The following GPC5 variants were observed in gnomAD, a reference collection of about 807,000 sequenced individuals.
GPC5 encodes the protein glypican-5.
Under a neutral mutation model 53.9 loss-of-function variants are expected in GPC5, and 47 were observed. The ratio of observed to expected loss-of-function variants is 0.87; its 90% confidence interval spans 0.69 to 1.11. GPC5 has a LOEUF of 1.11. Among genes scored for constraint, GPC5 ranks in the 50% most tolerant of loss-of-function variants. The pLI is 0.00. For missense variants in GPC5, 748 were observed against 713.1 expected (o/e 1.05, Z -0.56); for synonymous variants, 286 against 263.3 (o/e 1.09, Z -0.84).
At chr13:92,048,949 T>C (rs1291074658) in intron 6 of GPC5, among the ~76,000 whole-genome samples, 1 of 152,206 alleles carries the variant, frequency 6.6e-6, no homozygotes, top group Non-Finnish European at 1.5e-5. Context: ...AGTTGAAACA[T>C]GGCTTATTTG....
chr13:92,411,546 A>G (rs1273771392), intron 7 of GPC5, among the ~76,000 whole-genome samples: 1 of 152,220 alleles, frequency 6.6e-6, no homozygotes, highest in African/African-American at 2.4e-5. Context: ...CCTTATGTTT[A>G]TCAGGACAAA....
At chr13:91,991,498 G>A (rs1191283840) in intron 6 of GPC5, among the ~76,000 whole-genome samples, 1 of 152,038 alleles carries the variant, frequency 6.6e-6, no homozygotes, top group East Asian at 1.9e-4. Context: ...GTGGGTACTA[G>A]CTTTAATATT....
intron 1 of GPC5, among the ~76,000 whole-genome samples, chr13:91,400,988 T>G (rs1280792177): frequency 6.6e-6 from 1 of 152,208 alleles, no homozygotes; most frequent in East Asian, 1.9e-4. Context: ...CTGGATTGTT[T>G]CCCCATTGCT....
chr13:92,512,254 G>GCA (rs1189390334), intron 7 of GPC5, among the ~76,000 whole-genome samples: 12 of 151,800 alleles, frequency 7.9e-5, no homozygotes, highest in East Asian at 1.9e-4. Context: ...GTGTGTGCGC[G>GCA]CGCGCGCGCG....
intron 6 of GPC5, among the ~76,000 whole-genome samples, chr13:91,972,515 T>C (rs1161192911): frequency 1.3e-5 from 2 of 152,206 alleles, no homozygotes; most frequent in Non-Finnish European, 2.9e-5. Context: ...CATTATGATG[T>C]TAGCTGGTCA....
At chr13:92,059,214 A>ACT (rs2041101263) in intron 6 of GPC5, among the ~76,000 whole-genome samples, 19 of 152,164 alleles carry the variant, frequency 1.2e-4, no homozygotes, top group African/African-American at 4.1e-4. Context: ...GTCTTAGATG[A>ACT]GAAGACCACA....
intron 6 of GPC5, among the ~76,000 whole-genome samples, chr13:92,092,744 A>T (rs2138898873): frequency 6.6e-6 from 1 of 152,286 alleles, no homozygotes; most frequent in African/African-American, 2.4e-5. Flanking sequence ...TCAAAGGATA[A>T]TTAATTTTTT....
chr13:92,376,980 A>G (rs1040072146), intron 7 of GPC5, among the ~76,000 whole-genome samples: 1 of 151,604 alleles, frequency 6.6e-6, no homozygotes, highest in Non-Finnish European at 1.5e-5. Flanking sequence ...GTGCCACTGC[A>G]CTCCAGCCTG....
chr13:91,941,800 T>C (rs888730331), intron 6 of GPC5, among the ~76,000 whole-genome samples: 1 of 152,198 alleles, frequency 6.6e-6, no homozygotes, highest in African/African-American at 2.4e-5. Flanking sequence ...TGTAATTTGA[T>C]TGGTAATAAA....
At chr13:91,715,737 T>A (rs1158912001) in intron 3 of GPC5, among the ~76,000 whole-genome samples, 2 of 151,686 alleles carry the variant, frequency 1.3e-5, no homozygotes, top group Non-Finnish European at 2.9e-5. Context: ...TCATAAATTA[T>A]CTTGAAGTTG....
At chr13:92,125,816 G>A (rs1043957537) in intron 6 of GPC5, among the ~76,000 whole-genome samples, 3 of 150,586 alleles carry the variant, frequency 2.0e-5, no homozygotes, top group Admixed American at 6.6e-5. Context: ...TTTATCTAAT[G>A]TAGAAATTCA....
chr13:91,410,550 G>A (rs968065382), intron 1 of GPC5, among the ~76,000 whole-genome samples: 3 of 151,492 alleles, frequency 2.0e-5, no homozygotes, highest in African/African-American at 4.8e-5. Context: ...GTTTCACTGT[G>A]TTAGCCAGGA....
At chr13:92,267,129 T>A (rs7991669) in intron 7 of GPC5, among the ~76,000 whole-genome samples, 52,493 of 151,948 alleles carry the variant, frequency 0.35, 9,733 homozygotes, top group African/African-American at 0.48. Flanking sequence ...ACATGTAAAC[T>A]TCAAATAAAA....
At chr13:91,732,825 T>C (rs1235040983) in intron 4 of GPC5, among the ~76,000 whole-genome samples, 1 of 152,192 alleles carries the variant, frequency 6.6e-6, no homozygotes, top group African/African-American at 2.4e-5. Flanking sequence ...GAAGATCAGA[T>C]GGTTGTAGAT....
intron 2 of GPC5, among the ~76,000 whole-genome samples, chr13:91,498,989 G>A (rs1386173023): frequency 6.6e-6 from 1 of 151,576 alleles, no homozygotes; most frequent in Non-Finnish European, 1.5e-5. Flanking sequence ...AAAGAAAAAA[G>A]GAAAGCTGCT....
intron 7 of GPC5, among the ~76,000 whole-genome samples, chr13:92,414,816 G>T (rs371764952): frequency 2.6e-5 from 4 of 152,212 alleles, no homozygotes; most frequent in Middle Eastern, 3.4e-3. Context: ...CTTCTAGTTC[G>T]GTCCACCTTG....
chr13:91,408,976 A>G (rs1877525331), intron 1 of GPC5, among the ~76,000 whole-genome samples: 1 of 152,200 alleles, frequency 6.6e-6, no homozygotes. Flanking sequence ...GCACACCAAG[A>G]GTGTGTCTTC....
Position 91,673,975 on chromosome 13 carries a change from C to T in GPC5, c.326-19212C>T, listed in dbSNP as rs556312448. Among the ~76,000 whole-genome samples, 88 of 152,290 alleles carry T rather than the reference C, an allele frequency of 5.8e-4. 1 individual carries two copies. The highest frequency in any genetic ancestry group is 4.1e-3 in the Admixed American group (62 of 15,290). On this transcript the variant is annotated intron_variant, in intron 2 of 7. Coordinates refer to ENST00000377067, the MANE Select transcript of GPC5 (RefSeq NM_004466.6). ...AAACAACAAAATAAAATCCATTCGT[C>T]TACTAACAGATGTCCCAGACTAATA... is the stretch of plus-strand genomic sequence containing the variant.
At chr13:91,895,984 C>T (rs183907503) in intron 5 of GPC5, among the ~76,000 whole-genome samples, 182 of 152,168 alleles carry the variant, frequency 1.2e-3, no homozygotes, top group African/African-American at 2.5e-3. Flanking sequence ...TCTCTGCCTC[C>T]GTGGTCCCAT....
Sources: allele counts gnomAD v4.1 joint callset (sites outside exome capture counted in the v4.1 genomes callset), GRCh38; gene constraint gnomAD v4.1.1; transcripts MANE v1.5; gene names NCBI Gene and HGNC (gene_info 2026-07-23, HGNC 2026-07-21).